The following SEMA3C variants were observed in gnomAD, a reference collection of about 807,000 sequenced individuals.
The protein encoded by SEMA3C is semaphorin 3C.
In SEMA3C, 47 loss-of-function variants were observed where a neutral mutation model predicts 89.4. The ratio of observed to expected loss-of-function variants is 0.53; its 90% CI spans 0.42 to 0.67. The LOEUF (loss-of-function observed/expected upper bound fraction) is 0.67. Ranked by LOEUF, SEMA3C falls within the 30% of genes least tolerant of loss-of-function variation. The pLI, the probability that SEMA3C is intolerant of heterozygous loss-of-function variation, is 0.00. For synonymous variants in SEMA3C, 310 were observed against 320.2 expected (o/e 0.97, Z 0.34); for missense variants, 839 against 929.1 (o/e 0.90, Z 1.26).
At chr7:80,817,387 A>G (rs1242136547) in intron 5 of SEMA3C, among the ~76,000 whole-genome samples, 1 of 152,210 alleles carries the variant, frequency 6.6e-6, no homozygotes, top group African/African-American at 2.4e-5. Flanking sequence ...TCAAATTAAA[A>G]TATTATTTAA....
At chr7:80,851,327 A>T (rs1025015972) in intron 2 of SEMA3C, among the ~76,000 whole-genome samples, 3 of 151,872 alleles carry the variant, frequency 2.0e-5, no homozygotes, top group African/African-American at 7.3e-5. Flanking sequence ...CAACATGGTG[A>T]AACCCCATCT....
At chr7:80,921,326 C>A (rs1562987598), upstream of SEMA3C, among the ~76,000 whole-genome samples, 1 of 152,072 alleles carries the variant, frequency 6.6e-6, no homozygotes, top group Non-Finnish European at 1.5e-5. Context: ...CAAAATGAAT[C>A]ATAAAAATAC....
rs180743849 is a variant in SEMA3C at position 80,803,911 on chromosome 7, G to A, written c.801+195C>T. On this transcript the variant is annotated intron_variant, in intron 8 of 17. Coordinates refer to ENST00000265361, the MANE Select transcript of SEMA3C (RefSeq NM_006379.5). Reference sequence around the variant, plus strand: ...TATAACTTATTGAGGGTTAGAATTTGGGTTGGGGTTATAAACACTATATTC... The same window carrying A: ...TATAACTTATTGAGGGTTAGAATTTAGGTTGGGGTTATAAACACTATATTC... Among the ~76,000 whole-genome samples the A allele has an allele frequency of 2.6e-5, 4 of 151,998 alleles. No homozygotes were observed. In the East Asian group the frequency reaches 7.8e-4, roughly 29 times the overall value.
chr7:80,877,843 T>G (rs149530488), intron 2 of SEMA3C, among the ~76,000 whole-genome samples: 1 of 152,290 alleles, frequency 6.6e-6, no homozygotes, highest in East Asian at 1.9e-4. Flanking sequence ...CGTGTGAGAA[T>G]GGATGCACTA....
At chr7:80,867,536 CTT>C (rs1185846109) in intron 2 of SEMA3C, among the ~76,000 whole-genome samples, 2 of 152,110 alleles carry the variant, frequency 1.3e-5, no homozygotes, top group African/African-American at 4.8e-5. Flanking sequence ...ATGCTGAGTC[CTT>C]TGACCTCTTC....
At chr7:80,897,271 A>C (rs1275159005) in intron 2 of SEMA3C, among the ~76,000 whole-genome samples, 1 of 152,208 alleles carries the variant, frequency 6.6e-6, no homozygotes, top group African/African-American at 2.4e-5. Flanking sequence ...AAAACACAGA[A>C]ACATAAAACC....
chr7:80,768,077 T>C (rs188548408), intron 12 of SEMA3C, among the ~76,000 whole-genome samples: 2 of 152,232 alleles, frequency 1.3e-5, no homozygotes, highest in Non-Finnish European at 2.9e-5. Context: ...ATCTTAGAAG[T>C]TGCAAAGCAT....
Position 80,822,131 on chromosome 7 carries a change from T to G in SEMA3C, c.328-3713A>C, listed in dbSNP as rs557501104. ...ATTCTATGCGAGGCACTACATATGGTACTAGCAACAGTGGAATGAATAGAC... is the reference window on the plus strand; with the variant it reads ...ATTCTATGCGAGGCACTACATATGGGACTAGCAACAGTGGAATGAATAGAC... On this transcript the variant is annotated intron_variant, in intron 4 of 17. Coordinates refer to ENST00000265361, the MANE Select transcript of SEMA3C (RefSeq NM_006379.5). Among the ~76,000 whole-genome samples, 7 of 152,300 alleles carry G rather than the reference T, an allele frequency of 4.6e-5. No homozygotes were observed. The East Asian group carries it at 9.7e-4, about 21-fold the overall frequency.
chr7:80,821,056 T>C (rs1789734813), intron 4 of SEMA3C, among the ~76,000 whole-genome samples: 2 of 152,214 alleles, frequency 1.3e-5, no homozygotes, highest in South Asian at 4.1e-4. Context: ...TTCATGTATA[T>C]ATCTATCTGC....
In SEMA3C at chr7:80,818,371, T is replaced by A. The variant is rs757499804; in HGVS notation, c.375A>T (p.Thr125=). The A allele has an allele frequency of 1.9e-6, 3 of 1,613,308 alleles. No individual in the cohort carries two copies. The highest frequency in any genetic ancestry group is 2.5e-6 in the Non-Finnish European group (3 of 1,179,512). ...FVRVIQTFNR[T]HLYVCGSGAF... is the part of the protein sequence containing the mutation. ...CGCCACTCCCACAGACATACAAATG[T>A]GTGCGATTGAAAGTCTGAATTACAC... Residue 125 remains threonine (T), a synonymous_variant, in exon 5 of 18, where the codon ACA becomes ACT. Coordinates refer to ENST00000265361, the MANE Select transcript of SEMA3C (RefSeq NM_006379.5).
At chr7:80,769,184 G>A (rs1320909822) in intron 12 of SEMA3C, among the ~76,000 whole-genome samples, 6 of 151,944 alleles carry the variant, frequency 3.9e-5, no homozygotes, top group Admixed American at 1.3e-4. Flanking sequence ...CATTATCTTA[G>A]GCATTTATCA....
chr7:80,901,794 G>C (rs1791886668), intron 2 of SEMA3C, among the ~76,000 whole-genome samples: 1 of 152,044 alleles, frequency 6.6e-6, no homozygotes, highest in South Asian at 2.1e-4. Context: ...GCCCATATTA[G>C]GTATATTGTA....
At chr7:80,769,940 A>G (rs1252388636) in intron 12 of SEMA3C, among the ~76,000 whole-genome samples, 1 of 150,294 alleles carries the variant, frequency 6.7e-6, no homozygotes, top group Admixed American at 6.7e-5. Flanking sequence ...TTACAATACC[A>G]CTTTTAGTCA....
intron 2 of SEMA3C, among the ~76,000 whole-genome samples, chr7:80,855,253 AATGG>A (rs1448130963): frequency 1.3e-5 from 2 of 152,122 alleles, no homozygotes; most frequent in Admixed American, 6.5e-5. Context: ...GGAAAACTAT[AATGG>A]ATGGTCATTC....
At chr7:80,922,301 C>T (rs772871598), upstream of SEMA3C, 4 of 1,288,362 alleles carry the variant, frequency 3.1e-6, no homozygotes, top group Non-Finnish European at 4.0e-6. Context: ...TTTTCTACTT[C>T]CCTCTCTTTC....
At chr7:80,917,007 T>A (rs1397449802) in intron 1 of SEMA3C, among the ~76,000 whole-genome samples, 188 bp from the exon 2 acceptor site, 1 of 152,226 alleles carries the variant, frequency 6.6e-6, no homozygotes, top group East Asian at 1.9e-4. Flanking sequence ...CATTTGTGTC[T>A]GGAAGTCTTT....
intron 12 of SEMA3C, among the ~76,000 whole-genome samples, chr7:80,770,948 G>T (rs186152235): frequency 1.3e-5 from 2 of 152,352 alleles, no homozygotes; most frequent in East Asian, 3.9e-4. Context: ...AAACTGAAAG[G>T]TTGTGAAGTA....
chr7:80,921,670 A>G (rs1446640040), upstream of SEMA3C, among the ~76,000 whole-genome samples: 1 of 152,198 alleles, frequency 6.6e-6, no homozygotes, highest in Non-Finnish European at 1.5e-5. Context: ...ACTAATTACA[A>G]TGTTTGCACC....
intron 2 of SEMA3C, chr7:80,915,784 A>C (rs944340608): frequency 6.6e-6 from 1 of 151,964 alleles, no homozygotes; most frequent in Non-Finnish European, 1.5e-5. Flanking sequence ...AGTTTCAGAG[A>C]CACTCTGCTA....
Sources: gnomAD v4.1 joint callset for allele counts (sites outside exome capture counted in the v4.1 genomes callset) on GRCh38, gnomAD v4.1.1 for gene constraint, MANE v1.5 for transcripts, NCBI Gene and HGNC (gene_info 2026-07-23, HGNC 2026-07-21) for gene names.